Variants in SOAT1 observed in about 807,000 individuals in gnomAD.
SOAT1 encodes acyl-coenzyme A:cholesterol acyltransferase 1.
Under a neutral mutation model 69.5 loss-of-function variants are expected in SOAT1, and 55 were observed. That is an observed-to-expected ratio of 0.79 (90% CI 0.64 to 0.99). SOAT1 has a LOEUF of 0.99. SOAT1 is among the 50% of genes least tolerant of loss of function. The probability of loss-of-function intolerance (pLI) is 0.00; values close to 1 mark genes in which losing one functional copy is unlikely to be tolerated. For missense variants in SOAT1, 580 were observed against 669.3 expected, an observed-to-expected ratio of 0.87 and a Z score of 1.47; for synonymous variants, 231 against 224.7, an observed-to-expected ratio of 1.03 and a Z score of -0.25.
chr1:179,320,020 G>A (rs967742747), intron 2 of SOAT1, among the ~76,000 whole-genome samples: 1 of 151,754 alleles, frequency 6.6e-6, no homozygotes, highest in Non-Finnish European at 1.5e-5. Flanking sequence ...ATGGGTTGTC[G>A]TTTTACTTTC....
Position 179,355,127 on chromosome 1 carries a change from A to G in SOAT1, c.*1486A>G. The G allele has an allele frequency of 6.6e-6, 1 of 152,176 alleles. No homozygotes were observed. The highest frequency in any genetic ancestry group is 1.9e-4 in the East Asian group (1 of 5,194). 9.4% of individuals were successfully genotyped at this position (152,176 alleles called of 1,614,324 possible). A position where few individuals can be genotyped will look rare whatever the true frequency, so the allele number is the denominator to read the frequency against. Reference sequence around the variant, plus strand: ...AGGTAATTTTCAAACATTAAATCCAACTTCAACGGAAACAAATACACTCAA... The same window carrying G: ...AGGTAATTTTCAAACATTAAATCCAGCTTCAACGGAAACAAATACACTCAA... On this transcript the variant is annotated 3_prime_UTR_variant, in exon 16 of 16. Transcript: ENST00000367619.
intron 3 of SOAT1, among the ~76,000 whole-genome samples, chr1:179,335,162 A>G (rs545437767): frequency 6.6e-4 from 100 of 152,228 alleles, no homozygotes; most frequent in African/African-American, 2.4e-3. Context: ...CCTAGAGTTC[A>G]GCTTGGGCAA....
chr1:179,317,716 C>T (rs1665446282), intron 2 of SOAT1, among the ~76,000 whole-genome samples: 1 of 150,736 alleles, frequency 6.6e-6, no homozygotes. Flanking sequence ...GTATTCATTC[C>T]ATTCTGTTTC....
intron 1 of SOAT1, among the ~76,000 whole-genome samples, chr1:179,299,699 G>T (rs1664764872): frequency 6.6e-6 from 1 of 150,476 alleles, no homozygotes; most frequent in Non-Finnish European, 1.5e-5. Context: ...ATATGGCTTG[G>T]GTAATAAACT....
At chr1:179,295,201 A>AT (rs1472849622) in intron 1 of SOAT1, among the ~76,000 whole-genome samples, 3 of 152,174 alleles carry the variant, frequency 2.0e-5, no homozygotes, top group African/African-American at 7.2e-5. Context: ...TTCCAGGTTC[A>AT]TGCCACACTG....
At position 179,337,077 on chromosome 1, in the gene SOAT1, C is replaced by T. The variant is rs919886431; in HGVS notation, c.330-760C>T. ...TAAAGTACAATGCGATTAGTATATA[C>T]TTTTCTAATTGATGGTTCATCCAGA... On this transcript the variant is annotated intron_variant, in intron 4 of 15. Transcript: ENST00000367619. Among the ~76,000 whole-genome samples the T allele has an allele frequency of 1.2e-4, 18 of 151,990 alleles. 2 individuals carry two copies. The highest frequency in any genetic ancestry group is 1.2e-3 in the Admixed American group (18 of 15,268).
chr1:179,336,812 T>C (rs1474828498), intron 4 of SOAT1, among the ~76,000 whole-genome samples: 1 of 152,056 alleles, frequency 6.6e-6, no homozygotes, highest in African/African-American at 2.4e-5. Context: ...CTGGCCAAGA[T>C]GGTGAAACCC....
chr1:179,316,913 A>G (rs1350188113), intron 2 of SOAT1, among the ~76,000 whole-genome samples: 1 of 152,200 alleles, frequency 6.6e-6, no homozygotes, highest in Non-Finnish European at 1.5e-5. Flanking sequence ...TTATATTTCT[A>G]CCATAAAAAC....
intron 1 of SOAT1, among the ~76,000 whole-genome samples, chr1:179,301,486 G>C (rs943739479): frequency 2.0e-5 from 3 of 152,124 alleles, no homozygotes; most frequent in Non-Finnish European, 4.4e-5. Context: ...ATCGGGCTCT[G>C]TCGTTAGCTG....
At chr1:179,353,503 A>G in intron 15 of SOAT1, 82 bp from the exon 16 acceptor site, 1 of 1,190,576 alleles carries the variant, frequency 8.4e-7, no homozygotes, top group South Asian at 1.2e-5. Context: ...ACAATGTATC[A>G]TATTAACATC....
chr1:179,306,028 G>GGA (rs1308939507), intron 2 of SOAT1, among the ~76,000 whole-genome samples: 3 of 152,320 alleles, frequency 2.0e-5, no homozygotes, highest in Non-Finnish European at 4.4e-5. Flanking sequence ...AAGAAGACTG[G>GGA]GAGAGGGCTT....
At chr1:179,344,445 G>A (rs2124996939) in intron 10 of SOAT1, among the ~76,000 whole-genome samples, 1 of 139,190 alleles carries the variant, frequency 7.2e-6, no homozygotes, top group South Asian at 2.4e-4. Context: ...TGCAGTCTTG[G>A]CTCACTGCAA....
intron 11 of SOAT1, among the ~76,000 whole-genome samples, chr1:179,345,575 T>G (rs1285591157): frequency 1.3e-5 from 2 of 152,018 alleles, no homozygotes; most frequent in Admixed American, 1.3e-4. Flanking sequence ...TGCCTTTTTT[T>G]TTTTTGAAAT....
rs6670562 is a variant in SOAT1 at position 179,331,159 on chromosome 1, G to A, written c.178-4347G>A. Reference sequence around the variant, plus strand: ...CCTTTCTGCCTTTTCTCATTTAAATGCACGAGTGTAAGAATCTCTAGTCTA... The same window carrying A: ...CCTTTCTGCCTTTTCTCATTTAAATACACGAGTGTAAGAATCTCTAGTCTA... On this transcript the variant is annotated intron_variant, in intron 3 of 15. Transcript: ENST00000367619. Among the ~76,000 whole-genome samples the A allele has an allele frequency of 6.9e-3, 1,050 of 152,234 alleles. 17 individuals carry two copies. The highest frequency in any genetic ancestry group is 0.024 in the African/African-American group (1,004 of 41,542).
intron 14 of SOAT1, among the ~76,000 whole-genome samples, chr1:179,350,885 T>C (rs563953080): frequency 4.4e-4 from 67 of 152,268 alleles, no homozygotes; most frequent in African/African-American, 1.5e-3. Flanking sequence ...GAAGCTTTAT[T>C]TTTCTTTATA....
Position 179,356,067 on chromosome 1 carries a change from A to G in SOAT1, c.*2426A>G, listed in dbSNP as rs1666896616. The G allele has an allele frequency of 6.6e-6, 1 of 152,202 alleles. No individual in the cohort carries two copies. The highest frequency in any genetic ancestry group is 2.1e-4 in the South Asian group (1 of 4,832). 9.4% of individuals were successfully genotyped at this position (152,202 alleles called of 1,614,324 possible). A position where few individuals can be genotyped will look rare whatever the true frequency, so the allele number is the denominator to read the frequency against. On this transcript the variant is annotated 3_prime_UTR_variant, in exon 16 of 16. Transcript: ENST00000367619. ...CACCTATACTCTTTAAACAAATAAA[A>G]ACTAAAATCTCTTGCTAATGTTTCA...
intron 3 of SOAT1, 59 bp from the exon 4 acceptor site, chr1:179,335,447 G>A (rs1373745625): frequency 1.3e-5 from 19 of 1,459,814 alleles, no homozygotes; most frequent in Non-Finnish European, 1.8e-5. Flanking sequence ...TTAGAGAAAT[G>A]CTAATGACTC....
At chr1:179,329,245 A>C (rs1156878013) in intron 3 of SOAT1, among the ~76,000 whole-genome samples, 1 of 152,026 alleles carries the variant, frequency 6.6e-6, no homozygotes, top group East Asian at 1.9e-4. Flanking sequence ...AGGCTGAGGC[A>C]GGAGAATCGC....
At chr1:179,330,417 A>T (rs543464056) in intron 3 of SOAT1, among the ~76,000 whole-genome samples, 2 of 152,304 alleles carry the variant, frequency 1.3e-5, no homozygotes, top group South Asian at 4.1e-4. Context: ...GAAGTCACAA[A>T]TCTTGTGACT....
Sources: allele counts gnomAD v4.1 joint callset (sites outside exome capture counted in the v4.1 genomes callset), GRCh38; gene constraint gnomAD v4.1.1; transcripts MANE v1.5; gene names NCBI Gene and HGNC (gene_info 2026-07-23, HGNC 2026-07-21).